Variants in NDUFB5 observed in about 807,000 individuals in gnomAD.
NDUFB5 encodes the protein NADH dehydrogenase [ubiquinone] 1 beta subcomplex subunit 5, mitochondrial.
In NDUFB5, 19 loss-of-function variants were observed where a neutral mutation model predicts 19.4. The ratio of observed to expected loss-of-function variants is 0.98; its 90% CI spans 0.68 to 1.43. The LOEUF is 1.43. Among genes scored for constraint, NDUFB5 ranks in the 40% most tolerant of loss-of-function variants. NDUFB5 has a pLI of 0.00. For missense variants in NDUFB5, 233 were observed against 236.5 expected (o/e 0.99, Z 0.10); for synonymous variants, 80 against 82.6 (o/e 0.97, Z 0.17).
chr3:179,624,790 CTTTTCTTTTTTTTTTTTT>C lies in NDUFB5; in HGVS notation c.*755_*772del, dbSNP rs1415192067. On this transcript the variant is annotated 3_prime_UTR_variant, in exon 6 of 6. Transcript: ENST00000259037. Reference sequence around the variant, plus strand: ...TAACTGCATTTTTTAACATTATTTTCTTTTCTTTTTTTTTTTTTTTTTTTTTGACGAAATCTTGCACTG... The same window carrying C: ...TAACTGCATTTTTTAACATTATTTTCTTTTTTTTGACGAAATCTTGCACTG... 1.7e-3 allele frequency: 193 copies of C among 115,734 alleles called. 3 individuals are homozygous for C. Among genetic ancestry groups the C allele is most frequent in the African/African-American group, 5.2e-3 (174 of 33,280 alleles). The allele number at this position is 115,734 out of a possible 1,614,324, so 7.2% of individuals were successfully genotyped here. A position where few individuals can be genotyped will look rare whatever the true frequency, so the allele number is the denominator to read the frequency against.
rs1244866813 is a variant in NDUFB5 at position 179,625,995 on chromosome 3, T to C, written c.*1955T>C. 1.3e-5 allele frequency: 2 copies of C among 152,244 alleles called. No homozygotes were observed. The highest frequency in any genetic ancestry group is 2.9e-5 in the Non-Finnish European group (2 of 68,048). The allele number at this position is 152,244 out of a possible 1,614,324, so 9.4% of individuals were successfully genotyped here. On this transcript the variant is annotated 3_prime_UTR_variant, in exon 6 of 6. Transcript: ENST00000259037. ...TATGATAATTCTATGTGTAGTTTCT[T>C]GAGGAACCTTCATGGTGTTCTTCAT...
At position 179,615,044 on chromosome 3, in the gene NDUFB5, T is replaced by G; in HGVS notation, c.198T>G (p.Arg66=). The G allele has an allele frequency of 2.5e-6, 4 of 1,605,308 alleles. No individual in the cohort carries two copies. The highest frequency in any genetic ancestry group is 3.4e-6 in the Non-Finnish European group (4 of 1,174,468). The change falls in exon 2 of 6, where the codon CGT becomes CGG. Residue 66 remains arginine, a synonymous_variant. Coordinates refer to ENST00000259037, the MANE Select transcript of NDUFB5 (RefSeq NM_002492.4). ...GACCTTCTAGATTCTATGACAGGCG[T>G]TTTTTGAAGTTATTGGTAAGTTTAA... is the stretch of plus-strand genomic sequence containing the variant. ...VIRPSRFYDR[R]FLKLLRFYIA... is the part of the protein sequence containing the mutation.
intron 4 of NDUFB5, 41 bp downstream of exon 4, chr3:179,617,085 T>C (rs1385069641): frequency 1.4e-6 from 2 of 1,403,416 alleles, no homozygotes; most frequent in South Asian, 1.2e-5. Context: ...GTTACATGCC[T>C]TGTCAACGCA....
In NDUFB5 at chr3:179,623,918, A is replaced by G; in HGVS notation, c.450-2A>G. On this transcript the variant is annotated splice_acceptor_variant, in intron 5 of 5. Transcript: ENST00000259037. LOFTEE classifies it high-confidence loss of function. ...TCAATATTGCTGTTCCATTTGTTAC[A>G]GGGTAAAGGAGCTGGAAGTGCGAAA... The G allele has an allele frequency of 2.5e-6, 4 of 1,613,282 alleles. No homozygotes were observed. The highest frequency in any genetic ancestry group is 3.4e-6 in the Non-Finnish European group (4 of 1,179,786).
intron 1 of NDUFB5, among the ~76,000 whole-genome samples, chr3:179,606,433 C>T (rs1376002905): frequency 6.6e-6 from 1 of 151,924 alleles, no homozygotes; most frequent in Non-Finnish European, 1.5e-5. Flanking sequence ...CTGCCTCCTG[C>T]GTTCAGGCGA....
At chr3:179,619,125 T>C (rs1379139507) in intron 5 of NDUFB5, among the ~76,000 whole-genome samples, 1 of 151,292 alleles carries the variant, frequency 6.6e-6, no homozygotes, top group Non-Finnish European at 1.5e-5. Context: ...TTCTTATACA[T>C]TATATTTTAT....
At chr3:179,609,869 T>C (rs920231833) in intron 1 of NDUFB5, among the ~76,000 whole-genome samples, 1 of 152,220 alleles carries the variant, frequency 6.6e-6, no homozygotes, top group Non-Finnish European at 1.5e-5. Flanking sequence ...CATCTTTTTG[T>C]GTGCTTCTTG....
intron 1 of NDUFB5, 68 bp downstream of exon 1, chr3:179,605,007 G>T: frequency 1.4e-6 from 2 of 1,468,452 alleles, no homozygotes; most frequent in East Asian, 2.5e-5. Context: ...GACGCTTCCA[G>T]GGTGACCTTG....
At chr3:179,612,756 G>A (rs1719279810) in intron 1 of NDUFB5, among the ~76,000 whole-genome samples, 1 of 152,048 alleles carries the variant, frequency 6.6e-6, no homozygotes, top group Non-Finnish European at 1.5e-5. Context: ...GATTACAGGC[G>A]TGAGCCGCCG....
chr3:179,614,499 A>G (rs1265422254), intron 1 of NDUFB5, among the ~76,000 whole-genome samples: 1 of 152,194 alleles, frequency 6.6e-6, no homozygotes, highest in African/African-American at 2.4e-5. Context: ...AATTAAATGT[A>G]TTTCTTTTGC....
chr3:179,616,037 A>G lies in NDUFB5; in HGVS notation c.268A>G (p.Asn90Asp). ...AGTAGCAATTTTCATAACTCTGGTG[A>G]ATGTATTCATTGGTAAGTCACTTCC... is the stretch of plus-strand genomic sequence containing the variant. Reference protein sequence around the residue: ...IPVAIFITLVNVFIGQAELAE... With the variant: ...IPVAIFITLVDVFIGQAELAE... Residue 90 changes from asparagine (N) to aspartate (D), a missense_variant, in exon 3 of 6, where the codon AAT (asparagine) becomes GAT (aspartate). Transcript: ENST00000259037. The G allele has an allele frequency of 6.2e-7, 1 of 1,613,510 alleles. No individual in the cohort carries two copies. The highest frequency in any genetic ancestry group is 8.5e-7 in the Non-Finnish European group (1 of 1,179,658).
chr3:179,617,219 C>A, intron 4 of NDUFB5, 175 bp downstream of exon 4: 2 of 444,122 alleles, frequency 4.5e-6, no homozygotes, highest in Non-Finnish European at 8.0e-6. Flanking sequence ...CTCACTGCAA[C>A]TTCTGCCTCC....
At chr3:179,618,908 A>T (rs1719453638) in intron 5 of NDUFB5, among the ~76,000 whole-genome samples, 1 of 152,154 alleles carries the variant, frequency 6.6e-6, no homozygotes, top group African/African-American at 2.4e-5. Context: ...GAAAACTATA[A>T]ACTGGTGACA....
rs1719699253 is a variant in NDUFB5 at position 179,627,479 on chromosome 3, T to A, written c.*3439T>A. The A allele has an allele frequency of 6.6e-6, 1 of 152,216 alleles. No individual in the cohort carries two copies. The highest frequency in any genetic ancestry group is 2.1e-4 in the South Asian group (1 of 4,832). 9.4% of individuals were successfully genotyped at this position (152,216 alleles called of 1,614,324 possible). A position where few individuals can be genotyped will look rare whatever the true frequency, so the allele number is the denominator to read the frequency against. ...TGATGTAATGCATGTCTTGACTGAATAACTGTCTTTGTTTCTTGCTTCTGT... is the reference window on the plus strand; with the variant it reads ...TGATGTAATGCATGTCTTGACTGAAAAACTGTCTTTGTTTCTTGCTTCTGT... On this transcript the variant is annotated 3_prime_UTR_variant, in exon 6 of 6. Transcript: ENST00000259037.
intron 1 of NDUFB5, 146 bp downstream of exon 1, chr3:179,605,085 T>C: frequency 2.5e-6 from 3 of 1,223,168 alleles, no homozygotes; most frequent in Non-Finnish European, 3.2e-6. Context: ...GAGCACGAGC[T>C]ATATGAGGGG....
Position 179,617,303 on chromosome 3 carries a change from A to G in NDUFB5, c.342+259A>G, listed in dbSNP as rs1719408582. ...CAGGTGTGTGCTGCCACTCCTGGCTAATTTTTGTATTTTTAGTAGAGACAG... is the reference window on the plus strand; with the variant it reads ...CAGGTGTGTGCTGCCACTCCTGGCTGATTTTTGTATTTTTAGTAGAGACAG... On this transcript the variant is annotated intron_variant, in intron 4 of 5. Coordinates refer to ENST00000259037, the MANE Select transcript of NDUFB5 (RefSeq NM_002492.4). The G allele has an allele frequency of 2.5e-5, 6 of 242,722 alleles. No individual in the cohort carries two copies. In the East Asian group the frequency reaches 5.2e-4, roughly 21 times the overall value. The allele number at this position is 242,722 out of a possible 1,614,324, so 15.0% of individuals were successfully genotyped here.
Position 179,615,675 on chromosome 3 carries a change from C to T in NDUFB5, c.214-308C>T, listed in dbSNP as rs112244146. Reference sequence around the variant, plus strand: ...ACCTTAAAACTTTCTCTTGCCCTTCCGTTGTGTTTAATGACCTTTTTCATC... The same window carrying T: ...ACCTTAAAACTTTCTCTTGCCCTTCTGTTGTGTTTAATGACCTTTTTCATC... On this transcript the variant is annotated intron_variant, in intron 2 of 5. Coordinates refer to ENST00000259037, the MANE Select transcript of NDUFB5 (RefSeq NM_002492.4). 3.9e-4 allele frequency: 201 copies of T among 509,356 alleles called. 2 individuals carry two copies. The Admixed American group carries it at 4.6e-3, about 12-fold the overall frequency. 31.6% of individuals were successfully genotyped at this position (509,356 alleles called of 1,614,324 possible).
chr3:179,615,644 G>A (rs1366093209), intron 2 of NDUFB5: 1 of 487,484 alleles, frequency 2.1e-6, no homozygotes, highest in Non-Finnish European at 4.0e-6. Flanking sequence ...CATCATTTGA[G>A]TACTGACCTT....
chr3:179,615,421 G>T (rs1367765307), intron 2 of NDUFB5: 4 of 260,746 alleles, frequency 1.5e-5, no homozygotes, highest in Non-Finnish European at 3.1e-5. Context: ...ATTATTTTGG[G>T]ATATGATTTT....
Sources: allele counts gnomAD v4.1 joint callset (sites outside exome capture counted in the v4.1 genomes callset), GRCh38; gene constraint gnomAD v4.1.1; transcripts MANE v1.5; gene names NCBI Gene and HGNC (gene_info 2026-07-23, HGNC 2026-07-21).